The following SLC52A2 variants were observed in gnomAD, a reference collection of about 807,000 sequenced individuals.
SLC52A2 encodes the protein solute carrier family 52, riboflavin transporter, member 2.
A neutral mutation model predicts 24.8 loss-of-function variants in SLC52A2; 16 were observed. The ratio of observed to expected loss-of-function variants is 0.64; its 90% CI spans 0.44 to 0.98. SLC52A2 has a LOEUF of 0.98. SLC52A2 is among the 50% of genes least tolerant of loss of function. The pLI is 0.00. For missense variants in SLC52A2, 612 were observed against 575.9 expected (o/e 1.06, Z -0.64); for synonymous variants, 335 against 276.3 (o/e 1.21, Z -2.11).
chr8:144,361,016 G>T lies in SLC52A2; in HGVS notation c.*1G>T. ...CTGTGCAGACCCCTGTGACTCCTGA[G>T]CCTGGGCAGGTGGGGACCCCGCTCC... On this transcript the variant is annotated 3_prime_UTR_variant, in exon 5 of 5. Coordinates refer to ENST00000643944, the MANE Select transcript of SLC52A2 (RefSeq NM_001363118.2). 1 of 1,611,642 alleles carries T rather than the reference G, an allele frequency of 6.2e-7. No homozygotes were observed. The highest frequency in any genetic ancestry group is 8.5e-7 in the Non-Finnish European group (1 of 1,178,724).
At position 144,360,220 on chromosome 8, in the gene SLC52A2, A is replaced by C; in HGVS notation, c.728A>C (p.Glu243Ala). ...GTGGGAGCCCCAGGAGCAGAGGAAG[A>C]GGTGGAAGAGTCCTCACCACTGCAA... Reference protein sequence around the residue: ...LQVGAPGAEEEVEESSPLQEP... With the variant: ...LQVGAPGAEEAVEESSPLQEP... The change falls in exon 3 of 5, where the codon GAG becomes GCG. Residue 243 changes from glutamate (E) to alanine (A), a missense_variant. By Grantham distance (107) the Glu-to-Ala change is moderately radical (BLOSUM62 -1). Transcript: ENST00000643944. The C allele has an allele frequency of 2.5e-6, 4 of 1,612,750 alleles. No individual in the cohort carries two copies. In the South Asian group the frequency reaches 4.4e-5, roughly 18 times the overall value.
In SLC52A2 at chr8:144,360,086, G is replaced by A; in HGVS notation, c.594G>A (p.Trp198Ter). The A allele has an allele frequency of 6.2e-7, 1 of 1,612,922 alleles. No homozygotes were observed. Among genetic ancestry groups the A allele is most frequent in the Non-Finnish European group, 8.5e-7 (1 of 1,180,016 alleles). ...GTTTTCCCGCCAGCACCTTCTTCTG[G>A]GCACTGACTGCCCTTCTGGTCGCTT... is the stretch of plus-strand genomic sequence containing the variant. ...LERFPASTFF[W>*]ALTALLVASA... Residue 198 changes from tryptophan (W) to a stop codon, truncating the protein, a stop_gained, in exon 3 of 5, where the codon TGG (tryptophan) becomes TGA (stop). Transcript: ENST00000643944. LOFTEE classifies it high-confidence loss of function.
rs551523182 is a variant in SLC52A2, at chr8:144,359,617, C to T, written c.131-6C>T. ...ACCCTGACATGGCCTCCTCCCTTCC[C>T]TGCAGGTTGGAGCCTCCCCTCTTAC... On this transcript the variant is annotated splice_region_variant and splice_polypyrimidine_tract_variant and intron_variant, in intron 2 of 4. Transcript: ENST00000643944. The T allele has an allele frequency of 1.2e-5, 19 of 1,610,684 alleles. No homozygotes were observed. In the South Asian group the frequency reaches 1.6e-4, roughly 14 times the overall value.
At position 144,360,810 on chromosome 8, in the gene SLC52A2, C is replaced by T. The variant is rs781888282; in HGVS notation, c.1133C>T (p.Ser378Leu). Residue 378 changes from serine to leucine, a missense_variant, in exon 5 of 5, where the codon TCG becomes TTG. Physicochemically the swap from Ser to Leu is moderately radical, Grantham distance 145. Transcript: ENST00000643944. Reference protein sequence around the residue: ...TSAGVVLVVLSWVLCLGVFSY... With the variant: ...TSAGVVLVVLLWVLCLGVFSY... ...GTGCTGTGTCCCCCTCAGGTGCTGT[C>T]GTGGGTGCTGTGTCTTGGCGTGTTC... The T allele has an allele frequency of 6.2e-6, 10 of 1,612,960 alleles. No individual in the cohort carries two copies. The East Asian group carries it at 1.1e-4, about 18-fold the overall frequency.
At chr8:144,359,491 C>T in intron 2 of SLC52A2, 68 bp downstream of exon 2, 2 of 1,613,540 alleles carry the variant, frequency 1.2e-6, no homozygotes, top group South Asian at 2.2e-5. Context: ...CTGGGTGGAG[C>T]TACCTGTGGT....
rs141909863 is a variant in SLC52A2 at position 144,360,149 on chromosome 8, G to A, written c.657G>A (p.Pro219=). The part of the protein sequence containing the change: ...AAFQGLLLLL[P]PPPSVPTGEL... Reference sequence around the variant, plus strand: ...TCCAGGGTCTTCTGCTGCTGTTGCCGCCACCACCATCTGTACCCACAGGGG... The same window carrying A: ...TCCAGGGTCTTCTGCTGCTGTTGCCACCACCACCATCTGTACCCACAGGGG... The change falls in exon 3 of 5, where the codon CCG becomes CCA. Residue 219 remains proline (P), a synonymous_variant. Transcript: ENST00000643944. The A allele has an allele frequency of 8.7e-6, 14 of 1,612,744 alleles. No individual in the cohort carries two copies. The highest frequency in any genetic ancestry group is 1.7e-5 in the Admixed American group (1 of 60,000).
intron 1 of SLC52A2, 50 bp from the exon 2 acceptor site, chr8:144,359,134 C>G: frequency 2.6e-6 from 3 of 1,164,878 alleles, no homozygotes; most frequent in Non-Finnish European, 3.5e-6. Context: ...TGGTCTCACC[C>G]TGTTCTGACT....
rs782022238 is a variant in SLC52A2 at position 144,361,135 on chromosome 8, C to T, written c.*120C>T. The T allele has an allele frequency of 9.1e-5, 94 of 1,034,584 alleles. No homozygotes were observed. The highest frequency in any genetic ancestry group is 1.2e-4 in the Non-Finnish European group (85 of 703,270). 64.1% of individuals were successfully genotyped at this position (1,034,584 alleles called of 1,614,324 possible). On this transcript the variant is annotated 3_prime_UTR_variant, in exon 5 of 5. Coordinates refer to ENST00000643944, the MANE Select transcript of SLC52A2 (RefSeq NM_001363118.2). ...CGGTACACTCGTGGACACCTACACA[C>T]TCCATAGGAGATCCTGGCTTTCCAG...
chr8:144,361,221 C>G lies in SLC52A2; in HGVS notation c.*206C>G, dbSNP rs1166049688. ...GACCAGTGGGGGCTGTAGGGTAAGC[C>G]CCTGAGCCTGGGACCTACATGTGGT... On this transcript the variant is annotated 3_prime_UTR_variant, in exon 5 of 5. Transcript: ENST00000643944. The G allele has an allele frequency of 1.7e-6, 1 of 582,636 alleles. No individual in the cohort carries two copies. Among genetic ancestry groups the G allele is most frequent in the Admixed American group, 3.1e-5 (1 of 32,260 alleles). The allele number at this position is 582,636 out of a possible 1,614,324, so 36.1% of individuals were successfully genotyped here.
chr8:144,359,282 G>C lies in SLC52A2; in HGVS notation c.-12G>C. On this transcript the variant is annotated 5_prime_UTR_variant, in exon 2 of 5. Coordinates refer to ENST00000643944, the MANE Select transcript of SLC52A2 (RefSeq NM_001363118.2). ...CTTTGCCCTGACCTGGAAGGGCCCA[G>C]CCTTGGGCTGAATGGCAGCACCCAC... 3.1e-6 allele frequency: 5 copies of C among 1,608,392 alleles called. No homozygotes were observed. Among genetic ancestry groups the C allele is most frequent in the Non-Finnish European group, 4.2e-6 (5 of 1,176,998 alleles).
Position 144,359,839 on chromosome 8 carries a change from C to T in SLC52A2, c.347C>T (p.Ala116Val). The change falls in exon 3 of 5, where the codon GCA becomes GTA. Residue 116 changes from alanine to valine, a missense_variant. By Grantham distance (64) the Ala-to-Val change is moderately conservative. Coordinates refer to ENST00000643944, the MANE Select transcript of SLC52A2 (RefSeq NM_001363118.2). ...AGQLHSVAFL[A>V]LAFVLALACC... ...CAGTTGCATTCTGTGGCCTTCTTAG[C>T]ACTGGCCTTTGTGCTGGCACTGGCA... is the stretch of plus-strand genomic sequence containing the variant. The T allele has an allele frequency of 1.2e-6, 2 of 1,613,714 alleles. No homozygotes were observed. Among genetic ancestry groups the T allele is most frequent in the Non-Finnish European group, 1.7e-6 (2 of 1,180,018 alleles).
In SLC52A2 at chr8:144,361,141, A is replaced by T; in HGVS notation, c.*126A>T. On this transcript the variant is annotated 3_prime_UTR_variant, in exon 5 of 5. Coordinates refer to ENST00000643944, the MANE Select transcript of SLC52A2 (RefSeq NM_001363118.2). ...ACTCGTGGACACCTACACACTCCAT[A>T]GGAGATCCTGGCTTTCCAGGGTGGG... is the stretch of plus-strand genomic sequence containing the variant. 2.0e-6 allele frequency: 2 copies of T among 999,240 alleles called. No individual in the cohort carries two copies. Among genetic ancestry groups the T allele is most frequent in the South Asian group, 3.1e-5 (2 of 64,378 alleles). The allele number at this position is 999,240 out of a possible 1,614,324, so 61.9% of individuals were successfully genotyped here.
chr8:144,360,629 G>C lies in SLC52A2; in HGVS notation c.1041G>C (p.Val347=), dbSNP rs1554854426. ...AGLGGLSLLG[V]FCGGYLMALA... ...TGGGCGGCCTCTCTCTGCTGGGCGT[G>C]TTCTGTGGGGGCTACCTGATGGCGC... The change falls in exon 4 of 5, where the codon GTG becomes GTC. Residue 347 remains valine, a synonymous_variant. Coordinates refer to ENST00000643944, the MANE Select transcript of SLC52A2 (RefSeq NM_001363118.2). The C allele has an allele frequency of 2.5e-6, 4 of 1,604,104 alleles. No homozygotes were observed. The South Asian group carries it at 4.4e-5, about 18-fold the overall frequency.
rs782345472 is a variant in SLC52A2 at position 144,359,997 on chromosome 8, C to T, written c.505C>T (p.Arg169Cys). ...GCTGGCCCTAGTGCAGGGTGTGGGC[C>T]GCCTCGAGTGCCCGCCAGCCCCCAT... ...CVLALVQGVG[R>C]LECPPAPING... is the part of the protein sequence containing the mutation. Residue 169 changes from arginine to cysteine, a missense_variant, in exon 3 of 5, where the codon CGC becomes TGC. By Grantham distance (180) the Arg-to-Cys change is radical. Coordinates refer to ENST00000643944, the MANE Select transcript of SLC52A2 (RefSeq NM_001363118.2). The T allele has an allele frequency of 1.4e-5, 22 of 1,612,782 alleles. No individual in the cohort carries two copies. The highest frequency in any genetic ancestry group is 1.8e-5 in the Non-Finnish European group (21 of 1,180,008).
rs782438429 is a variant in SLC52A2, at chr8:144,359,966, C to G, written c.474C>G (p.Pro158=). Residue 158 remains proline, a synonymous_variant, in exon 3 of 5, where the codon CCC becomes CCG. Transcript: ENST00000643944. ...GTCAAGGCCTGAGTGCCCTGCTGCC[C>G]TGCGTGCTGGCCCTAGTGCAGGGTG... The part of the protein sequence containing the change: ...FLGQGLSALL[P]CVLALVQGVG... The G allele has an allele frequency of 1.2e-6, 2 of 1,613,224 alleles. No homozygotes were observed. Among genetic ancestry groups the G allele is most frequent in the East Asian group, 4.5e-5 (2 of 44,880 alleles).
chr8:144,358,740 G>A lies in SLC52A2; in HGVS notation c.-436G>A. ...GCGGGAGCGCACTGGGCGCGGGACCGGGAGGCGCAGGGACCGGACGGCTCC... is the reference window on the plus strand; with the variant it reads ...GCGGGAGCGCACTGGGCGCGGGACCAGGAGGCGCAGGGACCGGACGGCTCC... On this transcript the variant is annotated 5_prime_UTR_variant, in exon 1 of 5. Coordinates refer to ENST00000643944, the MANE Select transcript of SLC52A2 (RefSeq NM_001363118.2). The A allele has an allele frequency of 3.2e-6, 1 of 316,686 alleles. No individual in the cohort carries two copies. The highest frequency in any genetic ancestry group is 5.7e-6 in the Non-Finnish European group (1 of 174,142). The allele number at this position is 316,686 out of a possible 1,614,324, so 19.6% of individuals were successfully genotyped here. A position where few individuals can be genotyped will look rare whatever the true frequency, so the allele number is the denominator to read the frequency against.
Position 144,360,359 on chromosome 8 carries a change from G to A in SLC52A2, c.867G>A (p.Leu289=), listed in dbSNP as rs2130646355. 6.2e-7 allele frequency: 1 copy of A among 1,608,438 alleles called. No individual in the cohort carries two copies. The highest frequency in any genetic ancestry group is 8.5e-7 in the Non-Finnish European group (1 of 1,180,002). The stretch of plus-strand genomic sequence containing the variant: ...GCCTGTTGGCCGCCACCAACGCGCT[G>A]ACCAATGGCGTGCTGCCTGCCGTGC... ...LLGLLAATNA[L]TNGVLPAVQS... Residue 289 remains leucine, a synonymous_variant, in exon 3 of 5, where the codon CTG becomes CTA. Coordinates refer to ENST00000643944, the MANE Select transcript of SLC52A2 (RefSeq NM_001363118.2).
Position 144,360,339 on chromosome 8 carries a change from T to G in SLC52A2, c.847T>G (p.Leu283Val). The G allele has an allele frequency of 6.2e-7, 1 of 1,609,164 alleles. No homozygotes were observed. Among genetic ancestry groups the G allele is most frequent in the Non-Finnish European group, 8.5e-7 (1 of 1,180,008 alleles). Residue 283 changes from leucine to valine, a missense_variant, in exon 3 of 5, where the codon TTG (leucine) becomes GTG (valine). Leu to Val is a conservative substitution (Grantham distance 32, BLOSUM62 1). Coordinates refer to ENST00000643944, the MANE Select transcript of SLC52A2 (RefSeq NM_001363118.2). ...CCGCAGTGCCTGCCTGCTGGGCCTG[T>G]TGGCCGCCACCAACGCGCTGACCAA... ...SARSACLLGL[L>V]AATNALTNGV... is the part of the protein sequence containing the mutation.
At position 144,360,379 on chromosome 8, in the gene SLC52A2, C is replaced by T; in HGVS notation, c.887C>T (p.Ala296Val). Reference sequence around the variant, plus strand: ...GCGCTGACCAATGGCGTGCTGCCTGCCGTGCAGAGCTTTTCCTGCTTACCC... The same window carrying T: ...GCGCTGACCAATGGCGTGCTGCCTGTCGTGCAGAGCTTTTCCTGCTTACCC... ...TNALTNGVLP[A>V]VQSFSCLPYG... The change falls in exon 3 of 5, where the codon GCC becomes GTC. Residue 296 changes from alanine (A) to valine (V), a missense_variant. Coordinates refer to ENST00000643944, the MANE Select transcript of SLC52A2 (RefSeq NM_001363118.2). 1.2e-6 allele frequency: 2 copies of T among 1,608,180 alleles called. No homozygotes were observed. Among genetic ancestry groups the T allele is most frequent in the Non-Finnish European group, 1.7e-6 (2 of 1,180,000 alleles).
Sources: gnomAD v4.1 joint callset for allele counts on GRCh38, gnomAD v4.1.1 for gene constraint, MANE v1.5 for transcripts, NCBI Gene and HGNC (gene_info 2026-07-23, HGNC 2026-07-21) for gene names.